The following CHRM5 variants were observed in gnomAD, a reference collection of about 807,000 sequenced individuals.
CHRM5 encodes the protein muscarinic acetylcholine receptor M5.
A neutral mutation model predicts 39.0 loss-of-function variants in CHRM5; 18 were observed. The observed-to-expected ratio is 0.46, with a 90% CI of 0.32 to 0.68. The LOEUF is 0.68. Ranked by LOEUF, CHRM5 falls within the 30% of genes least tolerant of loss-of-function variation. The pLI is 0.04. For missense variants in CHRM5, 515 were observed against 651.1 expected, an observed-to-expected ratio of 0.79 and a Z score of 2.28; for synonymous variants, 241 against 246.3, an observed-to-expected ratio of 0.98 and a Z score of 0.20.
At chr15:34,036,905 T>C (rs1899155310) in intron 1 of CHRM5, among the ~76,000 whole-genome samples, 1 of 151,744 alleles carries the variant, frequency 6.6e-6, no homozygotes. Context: ...AGGTCAGGAG[T>C]TCGAGACCAG....
intron 1 of CHRM5, among the ~76,000 whole-genome samples, chr15:34,017,115 G>A (rs945731081): frequency 3.5e-5 from 5 of 143,620 alleles, no homozygotes; most frequent in African/African-American, 1.2e-4. Context: ...ATGACAGAAT[G>A]AGACTCTGTC....
intron 1 of CHRM5, among the ~76,000 whole-genome samples, chr15:33,998,344 G>A (rs1053921206): frequency 1.3e-5 from 2 of 152,084 alleles, no homozygotes; most frequent in Non-Finnish European, 2.9e-5. Flanking sequence ...TGTCTTAACT[G>A]GCCAAGCATA....
At chr15:34,031,302 G>A (rs1206733571) in intron 1 of CHRM5, among the ~76,000 whole-genome samples, 1 of 148,308 alleles carries the variant, frequency 6.7e-6, no homozygotes, top group Non-Finnish European at 1.5e-5. Flanking sequence ...AGCCTCCCGA[G>A]TAGCTGGGAT....
chr15:34,062,579 A>G, intron 2 of CHRM5, 64 bp from the exon 3 acceptor site: 1 of 736,166 alleles, frequency 1.4e-6, no homozygotes, highest in South Asian at 2.1e-5. Context: ...AAAAAACTAT[A>G]AACAATGGAT....
intron 1 of CHRM5, among the ~76,000 whole-genome samples, chr15:34,025,722 TTG>T (rs1050483183): frequency 3.3e-5 from 5 of 151,912 alleles, no homozygotes; most frequent in Non-Finnish European, 5.9e-5. Context: ...GAAAAAAAAA[TTG>T]TGTGTGTGTG....
intron 1 of CHRM5, among the ~76,000 whole-genome samples, chr15:34,018,775 G>A (rs1271600352): frequency 6.6e-6 from 1 of 152,198 alleles, no homozygotes; most frequent in Non-Finnish European, 1.5e-5. Context: ...GTGCTAATTG[G>A]TCCATTTACA....
intron 1 of CHRM5, among the ~76,000 whole-genome samples, chr15:33,990,242 C>T (rs934165159): frequency 6.6e-6 from 1 of 151,514 alleles, no homozygotes; most frequent in Middle Eastern, 3.2e-3. Context: ...CTTAGCCAGG[C>T]GTTGAGGTGC....
intron 1 of CHRM5, among the ~76,000 whole-genome samples, chr15:34,013,106 G>A (rs1027074492): frequency 2.0e-5 from 3 of 151,076 alleles, no homozygotes; most frequent in South Asian, 4.3e-4. Flanking sequence ...CTGTCGCCCC[G>A]GCTGGAGTGC....
chr15:34,014,367 TAA>T (rs1171463772), intron 1 of CHRM5, among the ~76,000 whole-genome samples: 3 of 13,564 alleles, frequency 2.2e-4, no homozygotes, highest in Non-Finnish European at 5.5e-4. Flanking sequence ...TCCATCTCAT[TAA>T]AAAAAAAAAA....
chr15:34,063,829 C>G lies in CHRM5; in HGVS notation c.1112C>G (p.Pro371Arg). ...CTGTCTCCAGCAGCTGCTCATAGAC[C>G]CAAGAGTCAGAAATGTGTGGCCTAT... The part of the protein sequence containing the change: ...YLLSPAAAHR[P>R]KSQKCVAYKF... Residue 371 changes from proline to arginine, a missense_variant, in exon 3 of 3, where the codon CCC (proline) becomes CGC (arginine). Coordinates refer to ENST00000383263, the MANE Select transcript of CHRM5 (RefSeq NM_012125.4). This position sits in a 1 kb window ranked among gnomAD's most constrained non-coding sequence, Gnocchi z 4.1. 1 of 1,614,118 alleles carries G rather than the reference C, an allele frequency of 6.2e-7. No homozygotes were observed. Among genetic ancestry groups the G allele is most frequent in the Non-Finnish European group, 8.5e-7 (1 of 1,180,032 alleles).
rs183937937 is a variant in CHRM5 at position 33,985,621 on chromosome 15, T to C, written c.-408+16471T>C. Among the ~76,000 whole-genome samples, 19 of 152,020 alleles carry C rather than the reference T, an allele frequency of 1.2e-4. No homozygotes were observed. The East Asian group carries it at 3.3e-3, about 26-fold the overall frequency. On this transcript the variant is annotated intron_variant, in intron 1 of 2. Transcript: ENST00000383263. Reference sequence around the variant, plus strand: ...CACTGCAATTCAGCTCTCCCAACAATATTCTGAAAGGCAGGCACTGTGTTG... The same window carrying C: ...CACTGCAATTCAGCTCTCCCAACAACATTCTGAAAGGCAGGCACTGTGTTG...
rs780734594 is a variant in CHRM5, at chr15:34,064,317, AAAGTCAAC to A, written c.*4_*11del. ...GCAGGGGAACAGCAAGCTACCCTGAAAAGTCAACAACTCCTCTCGAAAGAACAATGACC... is the reference window on the plus strand; with the variant it reads ...GCAGGGGAACAGCAAGCTACCCTGAAAACTCCTCTCGAAAGAACAATGACC... On this transcript the variant is annotated 3_prime_UTR_variant, in exon 3 of 3. Coordinates refer to ENST00000383263, the MANE Select transcript of CHRM5 (RefSeq NM_012125.4). 1.4e-4 allele frequency: 223 copies of A among 1,609,278 alleles called. No homozygotes were observed. Among genetic ancestry groups the A allele is most frequent in the Non-Finnish European group, 1.7e-4 (205 of 1,177,844 alleles).
chr15:34,048,022 C>CGT (rs71119921), intron 2 of CHRM5, among the ~76,000 whole-genome samples: 71,004 of 151,388 alleles, frequency 0.47, 20,071 homozygotes, highest in Non-Finnish European at 0.64. Context: ...ACGTCCAGCT[C>CGT]GTGTGTGTGT....
chr15:34,039,851 A>G (rs1402279441), intron 1 of CHRM5, among the ~76,000 whole-genome samples: 1 of 152,214 alleles, frequency 6.6e-6, no homozygotes, highest in Non-Finnish European at 1.5e-5. Context: ...AAACTTGACT[A>G]AAGTGAATAA....
Position 33,986,525 on chromosome 15 carries a change from TAAAG to T in CHRM5, c.-408+17380_-408+17383del, listed in dbSNP as rs1896477931. The stretch of plus-strand genomic sequence containing the variant: ...ATCTACTTAGCTAGAAAGTAAGAGG[TAAAG>T]AAAGCAAGCTTTCTGAAACTTAATG... On this transcript the variant is annotated intron_variant, in intron 1 of 2. Coordinates refer to ENST00000383263, the MANE Select transcript of CHRM5 (RefSeq NM_012125.4). 2.0e-5 allele frequency among the ~76,000 whole-genome samples: 3 copies of T among 152,130 alleles called. No individual in the cohort carries two copies. In the South Asian group the frequency reaches 6.2e-4, roughly 32 times the overall value.
intron 1 of CHRM5, among the ~76,000 whole-genome samples, chr15:34,014,612 C>T (rs1897802723): frequency 6.6e-6 from 1 of 152,126 alleles, no homozygotes; most frequent in South Asian, 2.1e-4. Flanking sequence ...GTACCAGTGT[C>T]TGTGAGAGGA....
intron 2 of CHRM5, among the ~76,000 whole-genome samples, chr15:34,054,350 A>G (rs1900049064): frequency 1.3e-5 from 2 of 152,204 alleles, no homozygotes; most frequent in South Asian, 4.1e-4. Context: ...GGGACTATAA[A>G]TCATTCTATC....
At chr15:34,042,649 C>T (rs965264466) in intron 1 of CHRM5, among the ~76,000 whole-genome samples, 4 of 151,842 alleles carry the variant, frequency 2.6e-5, no homozygotes, top group South Asian at 2.1e-4. Context: ...GTGATCCATC[C>T]GCCTCAGCCT....
chr15:34,029,852 T>C (rs1898687983), intron 1 of CHRM5, among the ~76,000 whole-genome samples: 1 of 152,212 alleles, frequency 6.6e-6, no homozygotes, highest in Admixed American at 6.5e-5. Context: ...AGACACTCTA[T>C]TTTATTATCA....
Sources: allele counts gnomAD v4.1 joint callset (sites outside exome capture counted in the v4.1 genomes callset), GRCh38; gene constraint gnomAD v4.1.1; non-coding constraint Gnocchi (gnomAD v3.1); transcripts MANE v1.5; gene names NCBI Gene and HGNC (gene_info 2026-07-23, HGNC 2026-07-21).